TGM2: variants seen among roughly 807,000 people sequenced by gnomAD.
TGM2 encodes the protein protein-glutamine gamma-glutamyltransferase 2.
TGM2 carries 53 observed loss-of-function variants against 75.6 expected under a neutral mutation model. The observed-to-expected ratio is 0.70, with a 90% confidence interval of 0.56 to 0.88. The LOEUF (loss-of-function observed/expected upper bound fraction) is 0.88, where lower values mean the gene tolerates loss of function less well. Among genes scored for constraint, TGM2 ranks in the 40% least tolerant of loss-of-function variants. TGM2 has a pLI of 0.00. For synonymous variants in TGM2, 374 were observed against 381.1 expected (o/e 0.98, Z 0.22); for missense variants, 842 against 928.5 (o/e 0.91, Z 1.21).
At chr20:38,142,272 T>G (rs774401850) in intron 6 of TGM2, 73 bp from the exon 7 acceptor site, 1 of 1,602,808 alleles carries the variant, frequency 6.2e-7, no homozygotes, top group East Asian at 2.2e-5. Flanking sequence ...CACCTGCCCA[T>G]CTGCATTCCA....
intron 12 of TGM2, among the ~76,000 whole-genome samples, chr20:38,130,859 C>T (rs955858857): frequency 1.1e-4 from 17 of 152,172 alleles, no homozygotes; most frequent in African/African-American, 3.4e-4. Context: ...CGCCTATTGA[C>T]GGATGATGTC....
intron 3 of TGM2, among the ~76,000 whole-genome samples, chr20:38,154,548 T>C (rs2075158227): frequency 6.6e-6 from 1 of 152,182 alleles, no homozygotes; most frequent in Non-Finnish European, 1.5e-5. Flanking sequence ...CCTCTGACTT[T>C]CTAGTTTTGT....
chr20:38,166,179 C>T (rs762239327), upstream of TGM2, among the ~76,000 whole-genome samples: 15 of 152,192 alleles, frequency 9.9e-5, no homozygotes, highest in South Asian at 2.1e-4. Context: ...GATAATCCTC[C>T]GATCTCACCC....
At chr20:38,157,167 A>C (rs1600515946) in intron 2 of TGM2, among the ~76,000 whole-genome samples, 1 of 152,008 alleles carries the variant, frequency 6.6e-6, no homozygotes, top group African/African-American at 2.4e-5. Flanking sequence ...AGCTCTGCCC[A>C]CCCACCGTGG....
chr20:38,137,785 C>T (rs1389170752), intron 10 of TGM2, among the ~76,000 whole-genome samples: 1 of 152,128 alleles, frequency 6.6e-6, no homozygotes, highest in Non-Finnish European at 1.5e-5. Flanking sequence ...AGTCAGGGGT[C>T]ACACGAAGAT....
At chr20:38,165,059 A>G (rs2075296362) in intron 1 of TGM2, 130 bp downstream of exon 1, 1 of 1,336,176 alleles carries the variant, frequency 7.5e-7, no homozygotes. Flanking sequence ...CAGCATTGAG[A>G]CGCCTCCTCA....
intron 12 of TGM2, 108 bp downstream of exon 12, chr20:38,130,985 G>T: frequency 6.5e-7 from 1 of 1,548,502 alleles, no homozygotes; most frequent in Non-Finnish European, 8.8e-7. Context: ...TGTGGGAGAT[G>T]AGAGGAGGGG....
chr20:38,142,662 T>C (rs1035564902), intron 6 of TGM2, among the ~76,000 whole-genome samples: 1 of 152,180 alleles, frequency 6.6e-6, no homozygotes, highest in Non-Finnish European at 1.5e-5. Context: ...TGAGCCAAGA[T>C]TGCACCACTG....
rs779692227 is a variant in TGM2 at position 38,142,157 on chromosome 20, T to C, written c.902A>G (p.Tyr301Cys). The C allele has an allele frequency of 2.5e-6, 4 of 1,614,082 alleles. No homozygotes were observed. Among genetic ancestry groups the C allele is most frequent in the Admixed American group, 1.7e-5 (1 of 60,010 alleles). ...LGIPTRVVTN[Y>C]NSAHDQNSNL... ...GCTGTTCTGGTCATGGGCCGAGTTG[T>C]AGTTGGTCACGACGCGGGTAGGGAT... The change falls in exon 7 of 13, where the codon TAC (tyrosine) becomes TGC (cysteine). Residue 301 changes from tyrosine to cysteine, a missense_variant. By Grantham distance (194) the Tyr-to-Cys change is radical (BLOSUM62 -2). Transcript: ENST00000361475.
At chr20:38,133,245 G>A (rs563239438) in intron 10 of TGM2, 10 of 186,384 alleles carry the variant, frequency 5.4e-5, no homozygotes, top group African/African-American at 1.8e-4. Context: ...CACAGATGAA[G>A]AATCACCTCT....
intron 3 of TGM2, among the ~76,000 whole-genome samples, chr20:38,151,901 G>A (rs2268910): frequency 0.019 from 2,880 of 152,294 alleles, 57 homozygotes; most frequent in South Asian, 0.045. Flanking sequence ...GTTGGGGCAA[G>A]ATGGTAGGAG....
intron 9 of TGM2, 148 bp from the exon 10 acceptor site, chr20:38,138,533 A>C (rs975209160): frequency 6.9e-7 from 1 of 1,455,274 alleles, no homozygotes; most frequent in Non-Finnish European, 9.4e-7. Context: ...CCAGAAGGAC[A>C]CAGCATTTCA....
intron 6 of TGM2, among the ~76,000 whole-genome samples, chr20:38,142,451 G>A (rs779130586): frequency 3.3e-5 from 5 of 152,316 alleles, no homozygotes; most frequent in Non-Finnish European, 7.4e-5. Context: ...GGTGGCTCAC[G>A]CCTATAATCC....
chr20:38,152,161 T>C (rs2075122231), intron 3 of TGM2, among the ~76,000 whole-genome samples: 1 of 152,220 alleles, frequency 6.6e-6, no homozygotes. Context: ...TGATTTTAAA[T>C]TACATTAAAA....
At chr20:38,132,923 G>A in intron 10 of TGM2, 1 of 450,394 alleles carries the variant, frequency 2.2e-6, no homozygotes, top group Non-Finnish European at 4.5e-6. Flanking sequence ...CTTCATCCTG[G>A]GGAGGATCAG....
chr20:38,145,002 G>A (rs745648940), intron 6 of TGM2, among the ~76,000 whole-genome samples: 21 of 152,154 alleles, frequency 1.4e-4, no homozygotes, highest in East Asian at 7.7e-4. Context: ...CTTGGATTTC[G>A]GGGTTTTTCC....
Position 38,132,421 on chromosome 20 carries a change from G to T in TGM2, c.1695C>A (p.Ala565=). ...LTESNLIKVR[A]LLVEPVINSY... ...TGTTGATAACTGGCTCCACGAGGAG[G>T]GCCCGCACCTTGATGAGGTTGGACT... The change falls in exon 11 of 13, where the codon GCC becomes GCA. Residue 565 remains alanine (A), a synonymous_variant. Transcript: ENST00000361475. The T allele has an allele frequency of 1.2e-6, 2 of 1,614,134 alleles. No homozygotes were observed. The highest frequency in any genetic ancestry group is 1.6e-4 in the Middle Eastern group (1 of 6,062).
chr20:38,148,923 T>C (rs563291464), intron 4 of TGM2, among the ~76,000 whole-genome samples: 1 of 152,280 alleles, frequency 6.6e-6, no homozygotes, highest in Non-Finnish European at 1.5e-5. Flanking sequence ...CCCACTTCTG[T>C]GGTCCTTTCC....
At chr20:38,138,465 C>A (rs753386630) in intron 9 of TGM2, 80 bp from the exon 10 acceptor site, 14 of 1,606,716 alleles carry the variant, frequency 8.7e-6, no homozygotes, top group Middle Eastern at 2.2e-4. Context: ...GAGCTGTCTT[C>A]GCAGAGGCCT....
Sources: allele counts gnomAD v4.1 joint callset (sites outside exome capture counted in the v4.1 genomes callset), GRCh38; gene constraint gnomAD v4.1.1; transcripts MANE v1.5; gene names NCBI Gene and HGNC (gene_info 2026-07-23, HGNC 2026-07-21).